TANC2: variants seen among roughly 807,000 people sequenced by gnomAD.
TANC2 encodes tetratricopeptide repeat, ankyrin repeat and coiled-coil containing 2, also known as protein TANC2.
A neutral mutation model predicts 210.5 loss-of-function variants in TANC2; 26 were observed. The ratio of observed to expected loss-of-function variants is 0.12; its 90% CI spans 0.09 to 0.17. The LOEUF is 0.17. TANC2 is among the 10% of genes least tolerant of loss of function. The pLI is 1.00. For synonymous variants in TANC2, 931 were observed against 967.1 expected (o/e 0.96, Z 0.69); for missense variants, 2,129 against 2,608.9 (o/e 0.82, Z 4.01).
At chr17:63,055,417 A>G (rs576714076) in intron 2 of TANC2, among the ~76,000 whole-genome samples, 1 of 151,188 alleles carries the variant, frequency 6.6e-6, no homozygotes, top group Admixed American at 6.6e-5. Flanking sequence ...AAACAGCAGT[A>G]TTCTCTGATG....
At chr17:63,144,027 T>C (rs1598468056) in intron 4 of TANC2, among the ~76,000 whole-genome samples, 1 of 152,158 alleles carries the variant, frequency 6.6e-6, no homozygotes, top group South Asian at 2.1e-4. Flanking sequence ...ATTCAAATGC[T>C]AAATTTTCAA....
At position 63,398,923 on chromosome 17, in the gene TANC2, C is replaced by G; in HGVS notation, c.3331+9C>G. 1 of 1,569,306 alleles carries G rather than the reference C, an allele frequency of 6.4e-7. No homozygotes were observed. Among genetic ancestry groups the G allele is most frequent in the East Asian group, 2.3e-5 (1 of 43,198 alleles). On this transcript the variant is annotated intron_variant, in intron 19 of 27. Transcript: ENST00000689528. ...TCTCTGGGGAGAGACAGGTACCTCT[C>G]ATGGACGTTGCCCTCAAGAATGTGT...
chr17:63,172,471 C>A (rs530788502), intron 5 of TANC2, among the ~76,000 whole-genome samples: 1 of 151,902 alleles, frequency 6.6e-6, no homozygotes, highest in Non-Finnish European at 1.5e-5. Flanking sequence ...TGTGAGCCAC[C>A]GCCCCCGGCC....
At chr17:63,398,944 T>C in intron 19 of TANC2, 30 bp downstream of exon 19, 1 of 1,506,642 alleles carries the variant, frequency 6.6e-7, no homozygotes, top group Non-Finnish European at 9.0e-7. Context: ...CCCTCAAGAA[T>C]GTGTTGTGTT....
At chr17:62,979,660 C>T (rs1246988240) in intron 1 of TANC2, among the ~76,000 whole-genome samples, 1 of 152,078 alleles carries the variant, frequency 6.6e-6, no homozygotes, top group African/African-American at 2.4e-5. Flanking sequence ...CTTTAGTAAT[C>T]CTAGTATTGG....
chr17:63,411,524 T>C (rs748770357), exon 22 of TANC2: 25 of 1,611,144 alleles, frequency 1.6e-5, no homozygotes, highest in Admixed American at 3.3e-5. Flanking sequence ...CCTCCATTGC[T>C]CTTATGGACA....
rs187260033 is a variant in TANC2, at chr17:62,985,042, G to A, written c.-24+18293G>A. On this transcript the variant is annotated intron_variant, in intron 1 of 27. Transcript: ENST00000689528. ...AGTCTGTCTAGATGAACTCTCCAGC[G>A]CTGACAGTGGGTGTTGAAATCAGTC... Among the ~76,000 whole-genome samples, 195 of 152,278 alleles carry A rather than the reference G, an allele frequency of 1.3e-3. 1 individual carries two copies. The highest frequency in any genetic ancestry group is 5.0e-3 in the Admixed American group (76 of 15,296).
At chr17:63,195,739 C>T (rs1303995976) in intron 6 of TANC2, among the ~76,000 whole-genome samples, 1 of 152,170 alleles carries the variant, frequency 6.6e-6, no homozygotes, top group Non-Finnish European at 1.5e-5. Context: ...CAGAGTGATC[C>T]TTGTAAAATA....
At chr17:63,292,448 AATTTG>A (rs1486858185) in intron 9 of TANC2, among the ~76,000 whole-genome samples, 1 of 152,236 alleles carries the variant, frequency 6.6e-6, no homozygotes, top group Non-Finnish European at 1.5e-5. Context: ...GAAAATAAAT[AATTTG>A]ATTTAACAGA....
intron 17 of TANC2, among the ~76,000 whole-genome samples, chr17:63,394,057 C>T (rs1276173123): frequency 6.6e-6 from 1 of 152,182 alleles, no homozygotes; most frequent in East Asian, 1.9e-4. Context: ...CAGGCATGAG[C>T]CACCATGCCC....
chr17:63,332,779 C>T (rs909484520), intron 11 of TANC2, among the ~76,000 whole-genome samples: 7 of 152,172 alleles, frequency 4.6e-5, no homozygotes, highest in Admixed American at 3.3e-4. Context: ...TTGTTAGGGA[C>T]TAATGTAGCT....
intron 14 of TANC2, among the ~76,000 whole-genome samples, chr17:63,369,850 G>T (rs966555678): frequency 2.1e-4 from 32 of 151,898 alleles, no homozygotes; most frequent in African/African-American, 7.0e-4. Context: ...TGATCTGCTC[G>T]CCTCAGCCTC....
Position 63,267,971 on chromosome 17 carries a change from A to G in TANC2, c.1159+98A>G. On this transcript the variant is annotated intron_variant, in intron 9 of 27. Coordinates refer to ENST00000689528, the Ensembl canonical transcript of TANC2. ...GTCTCCTATTCCCATACTTACTTAAACCTCCCTAAGAAGTGAAATGATCCA... is the reference window on the plus strand; with the variant it reads ...GTCTCCTATTCCCATACTTACTTAAGCCTCCCTAAGAAGTGAAATGATCCA... 4 of 1,348,556 alleles carry G rather than the reference A, an allele frequency of 3.0e-6. No individual in the cohort carries two copies. The South Asian group carries it at 6.9e-5, about 23-fold the overall frequency. The allele number at this position is 1,348,556 out of a possible 1,614,324, so 83.5% of individuals were successfully genotyped here.
intron 2 of TANC2, among the ~76,000 whole-genome samples, chr17:63,038,524 C>T (rs191995231): frequency 2.1e-4 from 32 of 152,016 alleles, no homozygotes; most frequent in Admixed American, 2.0e-3. Context: ...TCGAGTAATT[C>T]CGTCCTCATA....
At chr17:63,348,198 GA>G (rs1400208039) in intron 12 of TANC2, among the ~76,000 whole-genome samples, 1 of 152,174 alleles carries the variant, frequency 6.6e-6, no homozygotes, top group Non-Finnish European at 1.5e-5. Context: ...ACCAGTAAAA[GA>G]ATCTCATGTG....
At chr17:63,209,668 C>T (rs1176971164) in intron 7 of TANC2, among the ~76,000 whole-genome samples, 3 of 151,238 alleles carry the variant, frequency 2.0e-5, no homozygotes, top group African/African-American at 4.9e-5. Context: ...CTCCTGACCT[C>T]GTGATCCACC....
rs1012465941 is a variant in TANC2, at chr17:63,358,348, AGAGT to A, written c.2582+2962_2582+2965del. Among the ~76,000 whole-genome samples the A allele has an allele frequency of 2.5e-4, 36 of 142,540 alleles. No homozygotes were observed. The South Asian group carries it at 7.5e-3, about 30-fold the overall frequency. 93.5% of individuals were successfully genotyped at this position (142,540 alleles called of 152,430 possible). On this transcript the variant is annotated intron_variant, in intron 14 of 27. Transcript: ENST00000689528. ...GAAATAAATGAGTAACAAGGTGAGT[AGAGT>A]GAGAGAGAGAGAGAGAGAGAGAGAG...
At chr17:63,254,122 C>T (rs529630620) in intron 8 of TANC2, among the ~76,000 whole-genome samples, 2 of 152,250 alleles carry the variant, frequency 1.3e-5, no homozygotes, top group African/African-American at 4.8e-5. Context: ...AGTCAATGAA[C>T]ATGAAATGTC....
chr17:63,175,631 A>G (rs193273612), intron 5 of TANC2, among the ~76,000 whole-genome samples: 117 of 152,112 alleles, frequency 7.7e-4, no homozygotes, highest in African/African-American at 2.6e-3. Context: ...TGGATAGGAC[A>G]TGAGAAATGT....
Sources: allele counts gnomAD v4.1 joint callset (sites outside exome capture counted in the v4.1 genomes callset), GRCh38; gene constraint gnomAD v4.1.1; transcripts MANE v1.5; gene names NCBI Gene and HGNC (gene_info 2026-07-23, HGNC 2026-07-21).